EHBP1: variants seen among roughly 807,000 people sequenced by gnomAD.
EHBP1 encodes EH domain binding protein 1.
In EHBP1, 55 loss-of-function variants were observed where a neutral mutation model predicts 144.0. The observed-to-expected ratio is 0.38, with a 90% CI of 0.31 to 0.48. EHBP1 has a LOEUF of 0.48. Ranked by LOEUF, EHBP1 falls within the 20% of genes least tolerant of loss-of-function variation. EHBP1 has a pLI of 0.98. For synonymous variants in EHBP1, 469 were observed against 472.7 expected, an observed-to-expected ratio of 0.99 and a Z score of 0.10; for missense variants, 1,200 against 1,364.2, an observed-to-expected ratio of 0.88 and a Z score of 1.90.
At chr2:62,876,511 G>C (rs1208748118) in intron 10 of EHBP1, among the ~76,000 whole-genome samples, 2 of 152,016 alleles carry the variant, frequency 1.3e-5, no homozygotes, top group Non-Finnish European at 2.9e-5. Context: ...GATAATTATT[G>C]GCCACCACAA....
At chr2:62,962,852 C>G (rs1234126118) in intron 14 of EHBP1, among the ~76,000 whole-genome samples, 1 of 152,144 alleles carries the variant, frequency 6.6e-6, no homozygotes, top group African/African-American at 2.4e-5. Flanking sequence ...TTAGAAAGAA[C>G]TATCAGGAAG....
At chr2:62,752,986 A>G (rs1461398030) in intron 3 of EHBP1, among the ~76,000 whole-genome samples, 1 of 152,198 alleles carries the variant, frequency 6.6e-6, no homozygotes, top group African/African-American at 2.4e-5. Flanking sequence ...CAATTGAAGT[A>G]TTTAGCCCAT....
At chr2:62,887,066 G>A (rs547357935) in intron 10 of EHBP1, among the ~76,000 whole-genome samples, 2 of 152,136 alleles carry the variant, frequency 1.3e-5, no homozygotes, top group East Asian at 3.9e-4. Context: ...AGTCATCAGG[G>A]ATCCTATTAT....
intron 1 of EHBP1, among the ~76,000 whole-genome samples, chr2:62,691,429 T>C (rs2033901484): frequency 6.6e-6 from 1 of 152,196 alleles, no homozygotes; most frequent in Non-Finnish European, 1.5e-5. Flanking sequence ...TTTCTAGAAG[T>C]TATACACAAG....
At chr2:63,044,854 C>A in intron 21 of EHBP1, 1 of 492,782 alleles carries the variant, frequency 2.0e-6, no homozygotes, top group Non-Finnish European at 3.7e-6. Flanking sequence ...CTGCTGCAGC[C>A]ATCTCCATTC....
Position 62,955,585 on chromosome 2 carries a change from A to C in EHBP1, c.2385A>C (p.Arg795Ser), listed in dbSNP as rs1337817503. ...RARVLLEQAR[R>S]DAALKAGNKH... ...GAGTTCTGCTTGAGCAAGCAAGAAG[A>C]GATGCAGCCTTAAAGGCGGGGAATA... Residue 795 changes from arginine to serine, a missense_variant, in exon 14 of 23, where the codon AGA becomes AGC. This residue lies in a region of EHBP1 where 543 missense variants were observed against 513.1 expected (regional missense o/e 1.06). Coordinates refer to ENST00000431489, the MANE Select transcript of EHBP1 (RefSeq NM_001142616.3). The C allele has an allele frequency of 6.2e-7, 1 of 1,613,316 alleles. No homozygotes were observed. The highest frequency in any genetic ancestry group is 8.5e-7 in the Non-Finnish European group (1 of 1,179,512).
chr2:63,025,234 A>T (rs1200090281), intron 19 of EHBP1, among the ~76,000 whole-genome samples: 1 of 152,220 alleles, frequency 6.6e-6, no homozygotes, highest in Non-Finnish European at 1.5e-5. Flanking sequence ...GGAAATGAAA[A>T]TGAAGTACTG....
intron 5 of EHBP1, among the ~76,000 whole-genome samples, chr2:62,789,352 A>C (rs2043023471): frequency 6.6e-6 from 1 of 152,200 alleles, no homozygotes. Flanking sequence ...ACATCTGCTG[A>C]CGTTTTAATT....
chr2:63,041,094 C>G (rs2061642459), intron 21 of EHBP1, among the ~76,000 whole-genome samples: 1 of 152,088 alleles, frequency 6.6e-6, no homozygotes, highest in African/African-American at 2.4e-5. Flanking sequence ...ACCAGGAGAA[C>G]AGCATAGAAT....
intron 5 of EHBP1, among the ~76,000 whole-genome samples, chr2:62,811,201 G>T (rs991464065): frequency 6.6e-6 from 1 of 152,026 alleles, no homozygotes; most frequent in African/African-American, 2.4e-5. Context: ...TCTTCCATCC[G>T]ACCATCTAAG....
At chr2:62,721,976 T>A (rs181506397) in intron 2 of EHBP1, among the ~76,000 whole-genome samples, 1 of 152,262 alleles carries the variant, frequency 6.6e-6, no homozygotes, top group African/African-American at 2.4e-5. Flanking sequence ...ACATTTCCCC[T>A]CAATTCCCCA....
At chr2:62,730,512 A>G (rs534075379) in intron 2 of EHBP1, among the ~76,000 whole-genome samples, 2 of 152,178 alleles carry the variant, frequency 1.3e-5, no homozygotes, top group South Asian at 2.1e-4. Context: ...ATAATATTCC[A>G]TTGTCTGGAT....
intron 10 of EHBP1, among the ~76,000 whole-genome samples, chr2:62,894,182 C>T (rs1421912431): frequency 6.6e-6 from 1 of 152,158 alleles, no homozygotes; most frequent in Non-Finnish European, 1.5e-5. Context: ...TTGAGAGGGA[C>T]ATGACTAAGA....
intron 15 of EHBP1, 124 bp from the exon 16 acceptor site, chr2:62,990,589 TCTA>T: frequency 2.1e-6 from 2 of 954,506 alleles, no homozygotes; most frequent in South Asian, 3.8e-5. Flanking sequence ...ATGTGTCTAA[TCTA>T]CTAATATCCT....
intron 19 of EHBP1, among the ~76,000 whole-genome samples, chr2:63,029,192 G>C (rs1484845865): frequency 6.6e-6 from 1 of 151,582 alleles, no homozygotes; most frequent in Non-Finnish European, 1.5e-5. Context: ...TGTTACCATA[G>C]CTATGGCTAT....
At chr2:62,745,212 T>C (rs1372826835) in intron 2 of EHBP1, among the ~76,000 whole-genome samples, 1 of 152,108 alleles carries the variant, frequency 6.6e-6, no homozygotes, top group Non-Finnish European at 1.5e-5. Context: ...TATTAGTTGG[T>C]AGGATTACAA....
In EHBP1 at chr2:62,979,128, T is replaced by C; in HGVS notation, c.2461-60T>C. 6 of 1,540,604 alleles carry C rather than the reference T, an allele frequency of 3.9e-6. No individual in the cohort carries two copies. In the South Asian group the frequency reaches 6.2e-5, roughly 16 times the overall value. The stretch of plus-strand genomic sequence containing the variant: ...ACCAGTTACTATCATGATGATCAGA[T>C]TGAAAATGAAATTGCATTTCTGTCA... On this transcript the variant is annotated intron_variant, in intron 14 of 22. Coordinates refer to ENST00000431489, the MANE Select transcript of EHBP1 (RefSeq NM_001142616.3).
rs139601891 is a variant in EHBP1, at chr2:63,030,278, G to A, written c.3104-7257G>A. ...ATTTATGAGTCAGTTGCTCTATCAC[G>A]TGTATCCAAATAACCTAAATAAAGA... On this transcript the variant is annotated intron_variant, in intron 19 of 22. Transcript: ENST00000431489. Among the ~76,000 whole-genome samples the A allele has an allele frequency of 3.5e-3, 533 of 152,032 alleles. 4 individuals are homozygous for A. The highest frequency in any genetic ancestry group is 0.024 in the Middle Eastern group (7 of 292).
At chr2:63,041,459 C>T (rs183610499) in intron 21 of EHBP1, among the ~76,000 whole-genome samples, 88 of 152,244 alleles carry the variant, frequency 5.8e-4, no homozygotes, top group Non-Finnish European at 4.1e-4. Context: ...GGATTTTGTA[C>T]ATCTTGATTT....
Sources: allele counts gnomAD v4.1 joint callset (sites outside exome capture counted in the v4.1 genomes callset), GRCh38; gene constraint gnomAD v4.1.1; regional missense constraint gnomAD v4.1.1; transcripts MANE v1.5; gene names NCBI Gene and HGNC (gene_info 2026-07-23, HGNC 2026-07-21).